The following XPO4 variants were observed in gnomAD, a reference collection of about 807,000 sequenced individuals.
XPO4 encodes exportin 4, also known as exportin-4.
Under a neutral mutation model 143.0 loss-of-function variants are expected in XPO4, and 39 were observed. That is an observed-to-expected ratio of 0.27 (90% CI 0.21 to 0.36). The LOEUF (loss-of-function observed/expected upper bound fraction) is 0.36, where lower values mean the gene tolerates loss of function less well. Among genes scored for constraint, XPO4 ranks in the 10% least tolerant of loss-of-function variants. The pLI, the probability that XPO4 is intolerant of heterozygous loss-of-function variation, is 1.00. For synonymous variants in XPO4, 439 were observed against 474.0 expected (o/e 0.93, Z 0.96); for missense variants, 907 against 1,348.0 (o/e 0.67, Z 5.12).
At position 20,795,007 on chromosome 13, in the gene XPO4, T is replaced by A. The variant is rs1453549716; in HGVS notation, c.2797+1069A>T. On this transcript the variant is annotated intron_variant, in intron 18 of 22. Coordinates refer to ENST00000255305, the MANE Select transcript of XPO4 (RefSeq NM_022459.5). ...TTGGAAAAACCGTTGCCCAAGAATTTAAAAAAAAAAAAAAAAGACATGGTC... is the reference window on the plus strand; with the variant it reads ...TTGGAAAAACCGTTGCCCAAGAATTAAAAAAAAAAAAAAAAAGACATGGTC... Among the ~76,000 whole-genome samples the A allele has an allele frequency of 7.2e-4, 97 of 134,508 alleles. No homozygotes were observed. In the East Asian group the frequency reaches 9.0e-3, roughly 13 times the overall value. The allele number at this position is 134,508 out of a possible 152,430, so 88.2% of individuals were successfully genotyped here. A position where few individuals can be genotyped will look rare whatever the true frequency, so the allele number is the denominator to read the frequency against.
chr13:20,842,422 C>CTTTA (rs2059985779), intron 6 of XPO4, among the ~76,000 whole-genome samples: 6 of 152,104 alleles, frequency 3.9e-5, no homozygotes, highest in African/African-American at 1.4e-4. Context: ...CTGGTAAAGG[C>CTTTA]CCTTGAAGAG....
At chr13:20,815,667 C>T (rs1007383621) in intron 9 of XPO4, among the ~76,000 whole-genome samples, 1 of 152,120 alleles carries the variant, frequency 6.6e-6, no homozygotes, top group Non-Finnish European at 1.5e-5. Flanking sequence ...CATATGTAAA[C>T]ATAAATAACG....
chr13:20,870,337 C>G (rs2060283714), intron 1 of XPO4, among the ~76,000 whole-genome samples: 1 of 151,546 alleles, frequency 6.6e-6, no homozygotes. Flanking sequence ...GAGGGTGAAG[C>G]ACGAGAATCA....
At chr13:20,865,754 T>A (rs1202430249) in intron 2 of XPO4, among the ~76,000 whole-genome samples, 1 of 152,176 alleles carries the variant, frequency 6.6e-6, no homozygotes, top group African/African-American at 2.4e-5. Flanking sequence ...TCTCTGGCCT[T>A]AAGTATTTCT....
chr13:20,814,294 ATAAAAGTATAACTAAAAAG>A (rs2059621279), intron 9 of XPO4, among the ~76,000 whole-genome samples: 1 of 152,012 alleles, frequency 6.6e-6, no homozygotes. Flanking sequence ...ATTCATATAC[ATAAAAGTATAACTAAAAAG>A]TAAAAGTCTT....
chr13:20,897,250 G>T (rs74036470), intron 1 of XPO4, among the ~76,000 whole-genome samples: 3,714 of 152,072 alleles, frequency 0.024, 119 homozygotes, highest in Middle Eastern at 0.075. Context: ...AAAAAATAAA[G>T]GCAGTGTACC....
At position 20,787,176 on chromosome 13, in the gene XPO4, T is replaced by G. The variant is rs1157972775; in HGVS notation, c.3166-119A>C. On this transcript the variant is annotated intron_variant, in intron 21 of 22. Coordinates refer to ENST00000255305, the MANE Select transcript of XPO4 (RefSeq NM_022459.5). The stretch of plus-strand genomic sequence containing the variant: ...TGTTATTCTATTTATTAAATCAATC[T>G]GAAATTTTCCTTAATGTTTTAAAAA... 67 of 909,488 alleles carry G rather than the reference T, an allele frequency of 7.4e-5. No individual in the cohort carries two copies. The Admixed American group carries it at 2.0e-3, about 28-fold the overall frequency. The allele number at this position is 909,488 out of a possible 1,614,324, so 56.3% of individuals were successfully genotyped here.
At chr13:20,861,495 C>T (rs922054265) in intron 3 of XPO4, among the ~76,000 whole-genome samples, 46 of 151,870 alleles carry the variant, frequency 3.0e-4, no homozygotes, top group Non-Finnish European at 5.1e-4. Flanking sequence ...GGGGTTTCAC[C>T]ATGTTGGCCA....
At chr13:20,841,021 A>C (rs1210051718) in intron 6 of XPO4, among the ~76,000 whole-genome samples, 2 of 152,214 alleles carry the variant, frequency 1.3e-5, no homozygotes, top group Non-Finnish European at 2.9e-5. Context: ...TCTTTTAGAC[A>C]AGCTTTGTTT....
chr13:20,783,745 C>A lies in XPO4; in HGVS notation c.3433G>T (p.Gly1145Cys), dbSNP rs777208487. 4 of 1,614,042 alleles carry A rather than the reference C, an allele frequency of 2.5e-6. No homozygotes were observed. In the South Asian group the frequency reaches 3.3e-5, roughly 13 times the overall value. ...KSLEEFMANV[G>C]GLLCVK Reference sequence around the variant, plus strand: ...GTTTATTTTACACAAAGGAGACCACCAACATTTGCCATAAATTCTTCTAAA... The same window carrying A: ...GTTTATTTTACACAAAGGAGACCACAAACATTTGCCATAAATTCTTCTAAA... The change falls in exon 23 of 23, where the codon GGT (glycine) becomes TGT (cysteine). Residue 1145 changes from glycine (G) to cysteine (C), a missense_variant. Physicochemically the swap from Gly to Cys is radical, Grantham distance 159 (BLOSUM62 -3). Transcript: ENST00000255305.
intron 16 of XPO4, among the ~76,000 whole-genome samples, chr13:20,798,199 G>A (rs903418998): frequency 1.5e-4 from 23 of 152,098 alleles, no homozygotes; most frequent in Non-Finnish European, 2.8e-4. Context: ...AGGTCATACC[G>A]GAATAGGGTG....
At chr13:20,858,323 T>C (rs896738858) in intron 3 of XPO4, among the ~76,000 whole-genome samples, 2 of 152,206 alleles carry the variant, frequency 1.3e-5, no homozygotes, top group African/African-American at 4.8e-5. Flanking sequence ...CATATAAATA[T>C]GCCAATTATA....
intron 1 of XPO4, among the ~76,000 whole-genome samples, chr13:20,880,948 A>T (rs1368091986): frequency 9.2e-6 from 1 of 108,700 alleles, no homozygotes; most frequent in African/African-American, 3.4e-5. Context: ...ATAGAGCAAG[A>T]CCCTGCCTCC....
Position 20,788,702 on chromosome 13 carries a change from A to C in XPO4, c.2917-86T>G, listed in dbSNP as rs1464315658. On this transcript the variant is annotated intron_variant, in intron 19 of 22. Transcript: ENST00000255305. ...ATGCAATAAAATAAAGTAACTGACA[A>C]GCTTCTAAATATAATGATTTCTTTA... The C allele has an allele frequency of 4.0e-6, 5 of 1,264,196 alleles. No individual in the cohort carries two copies. In the African/African-American group the frequency reaches 7.7e-5, roughly 19 times the overall value. The allele number at this position is 1,264,196 out of a possible 1,614,324, so 78.3% of individuals were successfully genotyped here. A position where few individuals can be genotyped will look rare whatever the true frequency, so the allele number is the denominator to read the frequency against.
At chr13:20,810,480 A>G (rs1207580332) in intron 9 of XPO4, among the ~76,000 whole-genome samples, 2 of 152,224 alleles carry the variant, frequency 1.3e-5, no homozygotes, top group African/African-American at 4.8e-5. Context: ...ACTCATAATT[A>G]TTAGAGAAAT....
intron 7 of XPO4, 34 bp from the exon 8 acceptor site, chr13:20,822,323 A>T: frequency 6.3e-7 from 1 of 1,583,272 alleles, no homozygotes; most frequent in Non-Finnish European, 8.6e-7. Context: ...ATAAATATAA[A>T]TTCTTCCTTT....
At chr13:20,784,164 G>C (rs1417860103) in intron 22 of XPO4, among the ~76,000 whole-genome samples, 4 of 152,116 alleles carry the variant, frequency 2.6e-5, no homozygotes, top group Non-Finnish European at 5.9e-5. Context: ...TGAAGGTTTC[G>C]ACACTCAGTG....
At chr13:20,822,954 C>T (rs2059739130) in intron 7 of XPO4, among the ~76,000 whole-genome samples, 1 of 152,160 alleles carries the variant, frequency 6.6e-6, no homozygotes, top group Non-Finnish European at 1.5e-5. Flanking sequence ...ACAATACGGA[C>T]ATGAAACACC....
intron 9 of XPO4, among the ~76,000 whole-genome samples, chr13:20,817,806 CT>C (rs113114612): frequency 6.6e-6 from 1 of 151,978 alleles, no homozygotes; most frequent in Non-Finnish European, 1.5e-5. Context: ...GAATTTTAAT[CT>C]TTTTTTGAGA....
Sources: gnomAD v4.1 joint callset for allele counts (sites outside exome capture counted in the v4.1 genomes callset) on GRCh38, gnomAD v4.1.1 for gene constraint, MANE v1.5 for transcripts, NCBI Gene and HGNC (gene_info 2026-07-23, HGNC 2026-07-21) for gene names.